The following PRDM10 variants were observed in gnomAD, a reference collection of about 807,000 sequenced individuals.
The protein encoded by PRDM10 is PR domain zinc finger protein 10.
In PRDM10, 65 loss-of-function variants were observed where a neutral mutation model predicts 133.1. The observed-to-expected ratio is 0.49, with a 90% CI of 0.40 to 0.60. PRDM10 has a LOEUF of 0.60. Ranked by LOEUF, PRDM10 falls within the 20% of genes least tolerant of loss-of-function variation. The probability of loss-of-function intolerance (pLI) is 0.00; values close to 1 mark genes in which losing one functional copy is unlikely to be tolerated. For synonymous variants in PRDM10, 582 were observed against 580.4 expected (o/e 1.00, Z -0.04); for missense variants, 1,137 against 1,507.1 (o/e 0.75, Z 4.07).
At chr11:129,975,135 T>C (rs1265886766) in intron 1 of PRDM10, among the ~76,000 whole-genome samples, 1 of 152,118 alleles carries the variant, frequency 6.6e-6, no homozygotes, top group African/African-American at 2.4e-5. Context: ...TGCCACTAAA[T>C]TTTACACTAG....
At chr11:130,001,924 A>C (rs1332815845) in intron 1 of PRDM10, among the ~76,000 whole-genome samples, 1 of 150,580 alleles carries the variant, frequency 6.6e-6, no homozygotes, top group Non-Finnish European at 1.5e-5. Flanking sequence ...CACGGGACAG[A>C]CCCGCAGGGG....
intron 1 of PRDM10, among the ~76,000 whole-genome samples, chr11:129,972,077 T>G (rs887205284): frequency 2.6e-5 from 4 of 152,166 alleles, no homozygotes; most frequent in Non-Finnish European, 4.4e-5. Flanking sequence ...GCTAAGCCCC[T>G]CACTGCCCGG....
chr11:129,905,559 A>T, intron 20 of PRDM10, 79 bp downstream of exon 20: 1 of 1,054,210 alleles, frequency 9.5e-7, no homozygotes, highest in Non-Finnish European at 1.5e-6. Context: ...GCCAATCATT[A>T]CGAGATAAGT....
intron 15 of PRDM10, among the ~76,000 whole-genome samples, chr11:129,916,647 A>G (rs1950367442): frequency 6.6e-6 from 1 of 152,222 alleles, no homozygotes; most frequent in African/African-American, 2.4e-5. Context: ...AAAGTAAGAA[A>G]GGATATTACA....
chr11:129,980,895 G>A (rs1323346361), intron 1 of PRDM10, among the ~76,000 whole-genome samples: 5 of 113,270 alleles, frequency 4.4e-5, no homozygotes, highest in Non-Finnish European at 8.4e-5. Flanking sequence ...TTTTGAGACA[G>A]AGTTTCACTC....
rs377181650 is a variant in PRDM10, at chr11:129,957,836, C to G, written c.144G>C (p.Gln48His). The change falls in exon 3 of 21, where the codon CAG becomes CAC. Residue 48 changes from glutamine (Q) to histidine (H), a missense_variant. This residue lies in a region of PRDM10 where 635 missense variants were observed against 835.2 expected (regional missense o/e 0.76). Coordinates refer to ENST00000360871, the MANE Select transcript of PRDM10 (RefSeq NM_199437.2). ...AGGCACCATCTGCCGTGTACACCACCTGCTGTGGGGGGCGAACCTGGTCAT... is the reference window on the plus strand; with the variant it reads ...AGGCACCATCTGCCGTGTACACCACGTGCTGTGGGGGGCGAACCTGGTCAT... Reference protein sequence around the residue: ...YTDDQVRPPQQVVYTADGASY... With the variant: ...YTDDQVRPPQHVVYTADGASY... 3 of 1,614,188 alleles carry G rather than the reference C, an allele frequency of 1.9e-6. No homozygotes were observed. The African/African-American group carries it at 4.0e-5, about 22-fold the overall frequency.
chr11:129,910,327 T>C (rs1361483898), intron 19 of PRDM10, 149 bp downstream of exon 19: 3 of 1,156,732 alleles, frequency 2.6e-6, no homozygotes, highest in Non-Finnish European at 3.6e-6. Context: ...CCTTGAGTTT[T>C]GTCATGAAAC....
intron 6 of PRDM10, among the ~76,000 whole-genome samples, chr11:129,943,315 C>T (rs1951275333): frequency 6.6e-6 from 1 of 152,222 alleles, no homozygotes; most frequent in South Asian, 2.1e-4. Flanking sequence ...TTCTTGCAAA[C>T]ATTACTGGCA....
intron 1 of PRDM10, among the ~76,000 whole-genome samples, chr11:129,993,359 G>T (rs1358030625): frequency 6.6e-6 from 1 of 152,134 alleles, no homozygotes; most frequent in Admixed American, 6.5e-5. Context: ...AAGTGTTATT[G>T]TTTTGCCTGC....
intron 7 of PRDM10, among the ~76,000 whole-genome samples, chr11:129,940,569 C>CT (rs1565481417): frequency 6.6e-6 from 1 of 151,930 alleles, no homozygotes; most frequent in Admixed American, 6.6e-5. Flanking sequence ...ATTTTTTTAA[C>CT]TTTTTAAAGT....
intron 11 of PRDM10, among the ~76,000 whole-genome samples, chr11:129,928,475 G>A (rs1282646535): frequency 1.3e-5 from 2 of 152,034 alleles, no homozygotes; most frequent in African/African-American, 4.8e-5. Flanking sequence ...CTGCAGCCTC[G>A]ACTTCCCAGA....
At chr11:129,933,134 A>G (rs1168387882) in intron 9 of PRDM10, among the ~76,000 whole-genome samples, 1 of 152,250 alleles carries the variant, frequency 6.6e-6, no homozygotes, top group Non-Finnish European at 1.5e-5. Flanking sequence ...CTTTTAGAAG[A>G]TATGTATGTG....
intron 1 of PRDM10, among the ~76,000 whole-genome samples, chr11:129,972,078 C>CA (rs1244184548): frequency 6.6e-6 from 1 of 152,264 alleles, no homozygotes; most frequent in Non-Finnish European, 1.5e-5. Flanking sequence ...CTAAGCCCCT[C>CA]ACTGCCCGGG....
chr11:129,903,335 AT>A (rs1479535900), intron 20 of PRDM10, among the ~76,000 whole-genome samples: 3 of 143,562 alleles, frequency 2.1e-5, no homozygotes, highest in East Asian at 2.0e-4. Flanking sequence ...AATAATAATA[AT>A]AATAAATGGT....
At chr11:129,927,998 C>T (rs753585092) in intron 11 of PRDM10, among the ~76,000 whole-genome samples, 1 of 152,184 alleles carries the variant, frequency 6.6e-6, no homozygotes, top group Admixed American at 6.5e-5. Flanking sequence ...ATACCAAAAT[C>T]GTATTGTTGC....
intron 11 of PRDM10, among the ~76,000 whole-genome samples, chr11:129,929,022 A>G (rs1950769476): frequency 6.6e-6 from 1 of 152,198 alleles, no homozygotes; most frequent in African/African-American, 2.4e-5. Context: ...TTTTACATTT[A>G]ACACCTAACT....
intron 4 of PRDM10, among the ~76,000 whole-genome samples, 180 bp downstream of exon 4, chr11:129,955,332 T>G (rs1318271680): frequency 6.6e-6 from 1 of 152,210 alleles, no homozygotes. Context: ...CAGTATATAC[T>G]TATTGAAATA....
chr11:129,978,883 G>A (rs950925124), intron 1 of PRDM10, among the ~76,000 whole-genome samples: 6 of 152,114 alleles, frequency 3.9e-5, no homozygotes, highest in African/African-American at 4.8e-5. Flanking sequence ...AACAAAGACC[G>A]ATCCTCCCAT....
rs1950158374 is a variant in PRDM10 at position 129,910,602 on chromosome 11, G to C, written c.3037C>G (p.Pro1013Ala). 6.2e-7 allele frequency: 1 copy of C among 1,612,674 alleles called. No homozygotes were observed. Among genetic ancestry groups the C allele is most frequent in the Non-Finnish European group, 8.5e-7 (1 of 1,179,148 alleles). The change falls in exon 19 of 21, where the codon CCC becomes GCC. Residue 1013 changes from proline (P) to alanine (A), a missense_variant. Around this residue, in one of 6 missense-constraint regions of PRDM10, gnomAD observed 243 missense variants for 259.2 expected, o/e 0.94. Coordinates refer to ENST00000360871, the MANE Select transcript of PRDM10 (RefSeq NM_199437.2). Reference sequence around the variant, plus strand: ...GAAGAACTGCCCTGGATGTGGGAGGGGCTGAGCCCCTGCTGAGCCTGCTGG... The same window carrying C: ...GAAGAACTGCCCTGGATGTGGGAGGCGCTGAGCCCCTGCTGAGCCTGCTGG... ...SAQQAQQGLS[P>A]SHIQGSSSTQ...
Sources: allele counts gnomAD v4.1 joint callset (sites outside exome capture counted in the v4.1 genomes callset), GRCh38; gene constraint gnomAD v4.1.1; regional missense constraint gnomAD v4.1.1; transcripts MANE v1.5; gene names NCBI Gene and HGNC (gene_info 2026-07-23, HGNC 2026-07-21).